The following PRKAB2 variants were observed in gnomAD, a reference collection of about 807,000 sequenced individuals.
The protein encoded by PRKAB2 is protein kinase AMP-activated non-catalytic subunit beta 2.
In PRKAB2, 18 loss-of-function variants were observed where a neutral mutation model predicts 29.8. The observed-to-expected ratio is 0.60, with a 90% confidence interval of 0.42 to 0.89. PRKAB2 has a LOEUF of 0.89. PRKAB2 is among the 40% of genes least tolerant of loss of function. PRKAB2 has a pLI of 0.00. For missense variants in PRKAB2, 270 were observed against 344.3 expected, an observed-to-expected ratio of 0.78 and a Z score of 1.71; for synonymous variants, 136 against 125.9, an observed-to-expected ratio of 1.08 and a Z score of -0.54.
chr1:147,172,210 C>T, intron 1 of PRKAB2, 43 bp from the exon 2 acceptor site: 1 of 1,468,170 alleles, frequency 6.8e-7, no homozygotes. Context: ...CCTCAGCCGC[C>T]GCGTCAGGGG....
chr1:147,162,621 G>T, intron 5 of PRKAB2, 48 bp from the exon 6 acceptor site: 1 of 1,534,112 alleles, frequency 6.5e-7, no homozygotes, highest in Non-Finnish European at 8.9e-7. Context: ...GAATTAGCAA[G>T]AATGCATGGA....
At position 147,172,092 on chromosome 1, in the gene PRKAB2, G is replaced by C; in HGVS notation, c.53C>G (p.Ala18Gly). ...GCCGCCTGCGCCCTCGGAGCGTGCA[G>C]CCTTGGCGCCGTGGCGCTCCCCGGA... ...RVSGERHGAKAARSEGAGGHA... is the reference protein window; with the variant it reads ...RVSGERHGAKGARSEGAGGHA... The change falls in exon 2 of 8, where the codon GCT (alanine) becomes GGT (glycine). Residue 18 changes from alanine (A) to glycine (G), a missense_variant. Transcript: ENST00000254101. 6.4e-7 allele frequency: 1 copy of C among 1,562,756 alleles called. No homozygotes were observed. Among genetic ancestry groups the C allele is most frequent in the Non-Finnish European group, 8.7e-7 (1 of 1,154,460 alleles).
Position 147,166,914 on chromosome 1 carries a change from C to T in PRKAB2, c.349G>A (p.Asp117Asn). Residue 117 changes from aspartate (D) to asparagine (N), a missense_variant, in exon 4 of 8, where the codon GAC becomes AAC. Asp to Asn is a conservative substitution (Grantham distance 23, BLOSUM62 1). This residue lies in a region of PRKAB2 where 228 missense variants were observed against 255.5 expected (regional missense o/e 0.89). Coordinates refer to ENST00000254101, the MANE Select transcript of PRKAB2 (RefSeq NM_005399.5). ...TATTGGTGCTCTCCCTCAGGGAGGTCCAGGATGGCAACAAAGTCATTATGG... is the reference window on the plus strand; with the variant it reads ...TATTGGTGCTCTCCCTCAGGGAGGTTCAGGATGGCAACAAAGTCATTATGG... ...KSHNDFVAIL[D>N]LPEGEHQYKF... 1.9e-6 allele frequency: 3 copies of T among 1,613,928 alleles called. No individual in the cohort carries two copies. Among genetic ancestry groups the T allele is most frequent in the Admixed American group, 3.3e-5 (2 of 60,016 alleles).
At chr1:147,169,521 T>A (rs910267753) in intron 2 of PRKAB2, among the ~76,000 whole-genome samples, 33 of 152,282 alleles carry the variant, frequency 2.2e-4, no homozygotes, top group African/African-American at 7.9e-4. Context: ...ACTGTGATTA[T>A]GTTAAAATAA....
chr1:147,171,354 G>C (rs782225085), intron 2 of PRKAB2, among the ~76,000 whole-genome samples: 49 of 152,284 alleles, frequency 3.2e-4, no homozygotes, highest in African/African-American at 1.1e-3. Context: ...GCGTGAAAGA[G>C]GCACAGCCTC....
intron 5 of PRKAB2, among the ~76,000 whole-genome samples, chr1:147,165,239 G>C (rs899546584): frequency 1.3e-5 from 2 of 152,166 alleles, no homozygotes; most frequent in Non-Finnish European, 2.9e-5. Context: ...TGTTAGCCAG[G>C]ATGGTCTTGA....
Position 147,165,798 on chromosome 1 carries a change from G to T in PRKAB2, c.538+700C>A, listed in dbSNP as rs116104616. 5.4e-3 allele frequency among the ~76,000 whole-genome samples: 826 copies of T among 152,060 alleles called. 10 individuals are homozygous for T. The highest frequency in any genetic ancestry group is 0.017 in the Middle Eastern group (5 of 294). ...CAACAGAATTGTCAGGGGGCAGGGG[G>T]GTGGTTGTCTTGTTTTTGAGGCAGT... is the stretch of plus-strand genomic sequence containing the variant. On this transcript the variant is annotated intron_variant, in intron 5 of 7. Transcript: ENST00000254101.
At position 147,159,601 on chromosome 1, in the gene PRKAB2, C is replaced by T; in HGVS notation, c.783G>A (p.Lys261=). 2 of 1,613,576 alleles carry T rather than the reference C, an allele frequency of 1.2e-6. No individual in the cohort carries two copies. Among genetic ancestry groups the T allele is most frequent in the South Asian group, 1.1e-5 (1 of 91,044 alleles). ...MVLSATHRYK[K]KYVTTLLYKP... ...TGTATAGCAGAGTAGTAACATACTTCTTCTTGTAGCGATGGGTTGCGCTAA... is the reference window on the plus strand; with the variant it reads ...TGTATAGCAGAGTAGTAACATACTTTTTCTTGTAGCGATGGGTTGCGCTAA... The change falls in exon 8 of 8, where the codon AAG becomes AAA. Residue 261 remains lysine, a synonymous_variant. Transcript: ENST00000254101.
intron 7 of PRKAB2, 152 bp downstream of exon 7, chr1:147,161,560 G>A (rs1436846996): frequency 1.5e-6 from 1 of 655,180 alleles, no homozygotes; most frequent in Admixed American, 3.3e-5. Context: ...AAACAACCTA[G>A]TAGTTAAAAA....
At chr1:147,168,104 G>A (rs1374915750) in intron 2 of PRKAB2, among the ~76,000 whole-genome samples, 171 bp from the exon 3 acceptor site, 1 of 152,064 alleles carries the variant, frequency 6.6e-6, no homozygotes, top group Non-Finnish European at 1.5e-5. Context: ...AACTCATCTA[G>A]GACCAAAAAT....
rs751071807 is a variant in PRKAB2, at chr1:147,158,695, A to C, written c.*870T>G. The C allele has an allele frequency of 2.2e-4, 33 of 152,188 alleles. No homozygotes were observed. The highest frequency in any genetic ancestry group is 4.1e-4 in the Non-Finnish European group (28 of 68,022). The allele number at this position is 152,188 out of a possible 1,614,324, so 9.4% of individuals were successfully genotyped here. On this transcript the variant is annotated 3_prime_UTR_variant, in exon 8 of 8. Coordinates refer to ENST00000254101, the MANE Select transcript of PRKAB2 (RefSeq NM_005399.5). Reference sequence around the variant, plus strand: ...AAAAGACAGAAGCAGGGCCAGGCAAAGTGGGAAAACTTTCGGGAATTTGCC... The same window carrying C: ...AAAAGACAGAAGCAGGGCCAGGCAACGTGGGAAAACTTTCGGGAATTTGCC...
At chr1:147,166,711 TTC>T in intron 4 of PRKAB2, 93 bp from the exon 5 acceptor site, 2 of 1,571,118 alleles carry the variant, frequency 1.3e-6, no homozygotes, top group Non-Finnish European at 1.7e-6. Flanking sequence ...TACACGATTG[TTC>T]TCAGCACCTC....
intron 5 of PRKAB2, among the ~76,000 whole-genome samples, chr1:147,165,086 C>T (rs1459009807): frequency 2.6e-5 from 4 of 152,268 alleles, no homozygotes; most frequent in Middle Eastern, 3.4e-3. Context: ...AGTGCAGTGG[C>T]GAGATCTCAG....
Position 147,166,606 on chromosome 1 carries a change from T to A in PRKAB2, c.430A>T (p.Ser144Cys), listed in dbSNP as rs1654263755. 1.9e-6 allele frequency: 3 copies of A among 1,613,920 alleles called. No homozygotes were observed. Among genetic ancestry groups the A allele is most frequent in the Non-Finnish European group, 2.5e-6 (3 of 1,179,984 alleles). The change falls in exon 5 of 8, where the codon AGT (serine) becomes TGT (cysteine). Residue 144 changes from serine to cysteine, a missense_variant. Coordinates refer to ENST00000254101, the MANE Select transcript of PRKAB2 (RefSeq NM_005399.5). ...VHDPSEPVVT[S>C]QLGTINNLIH... ...AAATTGTTAATTGTGCCAAGCTGACTGGTAACCACAGGCTGAAACAGTGAA... is the reference window on the plus strand; with the variant it reads ...AAATTGTTAATTGTGCCAAGCTGACAGGTAACCACAGGCTGAAACAGTGAA...
chr1:147,172,103 G>A lies in PRKAB2; in HGVS notation c.42C>T (p.His14=). ...TTSDRVSGER[H]GAKAARSEGA... Reference sequence around the variant, plus strand: ...CCTCGGAGCGTGCAGCCTTGGCGCCGTGGCGCTCCCCGGACACCCGGTCGC... The same window carrying A: ...CCTCGGAGCGTGCAGCCTTGGCGCCATGGCGCTCCCCGGACACCCGGTCGC... Residue 14 remains histidine, a synonymous_variant, in exon 2 of 8, where the codon CAC becomes CAT. Coordinates refer to ENST00000254101, the MANE Select transcript of PRKAB2 (RefSeq NM_005399.5). 1 of 1,558,056 alleles carries A rather than the reference G, an allele frequency of 6.4e-7. No homozygotes were observed. The highest frequency in any genetic ancestry group is 8.7e-7 in the Non-Finnish European group (1 of 1,151,968).
chr1:147,162,317 G>C (rs192519909), intron 6 of PRKAB2, 123 bp downstream of exon 6: 281 of 927,226 alleles, frequency 3.0e-4, no homozygotes, highest in Admixed American at 1.1e-3. Context: ...AATGTTATTG[G>C]TATGTGTATG....
In PRKAB2 at chr1:147,159,647, A is replaced by ATAGAGATGGTTC. The variant is rs782797290; in HGVS notation, c.742-6_742-5insGAACCATCTCTA. The ATAGAGATGGTTC allele has an allele frequency of 6.2e-7, 1 of 1,612,840 alleles. No individual in the cohort carries two copies. On this transcript the variant is annotated splice_region_variant and splice_polypyrimidine_tract_variant and intron_variant, in intron 7 of 7. Coordinates refer to ENST00000254101, the MANE Select transcript of PRKAB2 (RefSeq NM_005399.5). Reference sequence around the variant, plus strand: ...GCTAAGGACCATCACACTGTCCTGCAAGGAAAAGAAACATACGCAGCTAAT... The same window carrying ATAGAGATGGTTC: ...GCTAAGGACCATCACACTGTCCTGCATAGAGATGGTTCAGGAAAAGAAACATACGCAGCTAAT...
In PRKAB2 at chr1:147,163,808, G is replaced by A. The variant is rs587639830; in HGVS notation, c.539-1235C>T. Among the ~76,000 whole-genome samples the A allele has an allele frequency of 2.6e-5, 4 of 152,058 alleles. No individual in the cohort carries two copies. The East Asian group carries it at 5.8e-4, about 22-fold the overall frequency. ...CTCTGAATATACTAAAAATTACTGA[G>A]TTGTACAATTTAAGAGTTAATTTTA... On this transcript the variant is annotated intron_variant, in intron 5 of 7. Coordinates refer to ENST00000254101, the MANE Select transcript of PRKAB2 (RefSeq NM_005399.5).
Position 147,165,127 on chromosome 1 carries a change from G to A in PRKAB2, c.538+1371C>T, listed in dbSNP as rs587704567. Among the ~76,000 whole-genome samples, 7 of 152,294 alleles carry A rather than the reference G, an allele frequency of 4.6e-5. No individual in the cohort carries two copies. In the South Asian group the frequency reaches 1.2e-3, roughly 27 times the overall value. On this transcript the variant is annotated intron_variant, in intron 5 of 7. Coordinates refer to ENST00000254101, the MANE Select transcript of PRKAB2 (RefSeq NM_005399.5). ...TGCAAGCTCCGCCTCCCGGGTTCAC[G>A]TCATTCTCCTGCCTCAGCCTCCCGA...
Sources: gnomAD v4.1 joint callset for allele counts (sites outside exome capture counted in the v4.1 genomes callset) on GRCh38, gnomAD v4.1.1 for gene constraint, gnomAD v4.1.1 regional missense constraint, MANE v1.5 for transcripts, NCBI Gene and HGNC (gene_info 2026-07-23, HGNC 2026-07-21) for gene names.